PUM2: variants seen among roughly 807,000 people sequenced by gnomAD.
PUM2 encodes pumilio homolog 2.
PUM2 carries 57 observed loss-of-function variants against 124.5 expected under a neutral mutation model. The ratio of observed to expected loss-of-function variants is 0.46; its 90% CI spans 0.37 to 0.57. PUM2 has a LOEUF of 0.57. Ranked by LOEUF, PUM2 falls within the 20% of genes least tolerant of loss-of-function variation. PUM2 has a pLI of 0.00. For missense variants in PUM2, 1,065 were observed against 1,290.6 expected, an observed-to-expected ratio of 0.83 and a Z score of 2.68; for synonymous variants, 460 against 446.1, an observed-to-expected ratio of 1.03 and a Z score of -0.39.
At chr2:20,338,448 T>C (rs1686573752) in intron 1 of PUM2, among the ~76,000 whole-genome samples, 1 of 152,180 alleles carries the variant, frequency 6.6e-6, no homozygotes, top group Admixed American at 6.6e-5. Flanking sequence ...ACTTATCCCT[T>C]CATGCGCAAA....
chr2:20,251,562 C>T lies in PUM2; in HGVS notation c.*23G>A, dbSNP rs770335793. 1 of 1,596,816 alleles carries T rather than the reference C, an allele frequency of 6.3e-7. No homozygotes were observed. Among genetic ancestry groups the T allele is most frequent in the African/African-American group, 1.3e-5 (1 of 74,448 alleles). ...AATTCTTTTCACATGGTTAAATTAT[C>T]TTCTTTCTCTTGCTCCTGTAATTTA... On this transcript the variant is annotated 3_prime_UTR_variant, in exon 21 of 21. Transcript: ENST00000361078.
intron 2 of PUM2, chr2:20,326,480 C>T (rs940844820): frequency 1.8e-6 from 2 of 1,137,404 alleles, no homozygotes; most frequent in African/African-American, 3.2e-5. Context: ...AATTACACAT[C>T]TTAGGTCTGT....
chr2:20,341,193 A>C (rs1349524416), intron 1 of PUM2, among the ~76,000 whole-genome samples: 2 of 152,144 alleles, frequency 1.3e-5, no homozygotes, highest in Admixed American at 6.5e-5. Flanking sequence ...CTGCCCCGCA[A>C]AAAAAGAAAA....
At chr2:20,253,785 A>G in intron 20 of PUM2, 37 bp downstream of exon 20, 1 of 1,545,676 alleles carries the variant, frequency 6.5e-7, no homozygotes, top group Non-Finnish European at 8.8e-7. Flanking sequence ...CTAAACACAA[A>G]GACAAACAGT....
At position 20,249,335 on chromosome 2, in the gene PUM2, ACTC is replaced by A. The variant is rs1662743493; in HGVS notation, c.*2247_*2249del. The stretch of plus-strand genomic sequence containing the variant: ...ACAAAAGTTCGATACGGGCCGAAAT[ACTC>A]TGAGGTTGGTAAAGTAGGAAAAAGT... On this transcript the variant is annotated 3_prime_UTR_variant, in exon 21 of 21. Coordinates refer to ENST00000361078, the MANE Select transcript of PUM2 (RefSeq NM_015317.5). 1.3e-5 allele frequency: 2 copies of A among 152,460 alleles called. No individual in the cohort carries two copies. 9.4% of individuals were successfully genotyped at this position (152,460 alleles called of 1,614,324 possible). A position where few individuals can be genotyped will look rare whatever the true frequency, so the allele number is the denominator to read the frequency against.
Position 20,263,391 on chromosome 2 carries a change from G to A in PUM2, c.2027C>T (p.Ala676Val). 6.2e-7 allele frequency: 1 copy of A among 1,614,044 alleles called. No individual in the cohort carries two copies. The highest frequency in any genetic ancestry group is 8.5e-7 in the Non-Finnish European group (1 of 1,179,860). ...APGAEAKYRS[A>V]SSTSSLFSSS... is the part of the protein sequence containing the mutation. Reference sequence around the variant, plus strand: ...GCTAAATAGACTGGAAGTGCTTGAAGCACTTCGATATTTTGCTTCTGCTCC... The same window carrying A: ...GCTAAATAGACTGGAAGTGCTTGAAACACTTCGATATTTTGCTTCTGCTCC... The change falls in exon 14 of 21, where the codon GCT becomes GTT. Residue 676 changes from alanine (A) to valine (V), a missense_variant. By Grantham distance (64) the Ala-to-Val change is moderately conservative (BLOSUM62 0). This residue lies in a region of PUM2 where 968 missense variants were observed against 1,159.8 expected (regional missense o/e 0.83). Transcript: ENST00000361078.
At chr2:20,329,706 C>A (rs1310957461) in intron 1 of PUM2, among the ~76,000 whole-genome samples, 1 of 152,060 alleles carries the variant, frequency 6.6e-6, no homozygotes, top group Non-Finnish European at 1.5e-5. Context: ...TTACAGCGGG[C>A]CATTTCTACA....
intron 1 of PUM2, among the ~76,000 whole-genome samples, chr2:20,340,872 T>C (rs1233718977): frequency 6.6e-6 from 1 of 152,262 alleles, no homozygotes; most frequent in Non-Finnish European, 1.5e-5. Context: ...CGATCTCATT[T>C]GTCCATTTGC....
intron 9 of PUM2, among the ~76,000 whole-genome samples, chr2:20,293,698 A>G (rs1403691256): frequency 6.6e-6 from 1 of 152,166 alleles, no homozygotes; most frequent in African/African-American, 2.4e-5. Context: ...ACAGAGTAAG[A>G]CTGCTAAAAA....
At chr2:20,260,577 A>G in intron 14 of PUM2, 111 bp from the exon 15 acceptor site, 1 of 979,826 alleles carries the variant, frequency 1.0e-6, no homozygotes, top group Non-Finnish European at 1.4e-6. Flanking sequence ...ATATTACCAT[A>G]CTTTATATAG....
intron 20 of PUM2, among the ~76,000 whole-genome samples, chr2:20,253,009 T>C (rs1049422304): frequency 1.3e-5 from 2 of 152,222 alleles, no homozygotes; most frequent in Admixed American, 1.3e-4. Flanking sequence ...TTAGGTTATA[T>C]GCAAATACTA....
At chr2:20,322,267 G>C (rs1459074247) in intron 2 of PUM2, among the ~76,000 whole-genome samples, 1 of 152,058 alleles carries the variant, frequency 6.6e-6, no homozygotes, top group Non-Finnish European at 1.5e-5. Context: ...TATAATGGAA[G>C]TTCAAAAGAG....
chr2:20,255,348 A>G lies in PUM2; in HGVS notation c.2623-7T>C. On this transcript the variant is annotated splice_region_variant and splice_polypyrimidine_tract_variant and intron_variant, in intron 17 of 20. Transcript: ENST00000361078. Reference sequence around the variant, plus strand: ...GAGTTGAAAGCACAAATACCTGAGGACAATTAGAAGAATTAAAATTTGTAT... The same window carrying G: ...GAGTTGAAAGCACAAATACCTGAGGGCAATTAGAAGAATTAAAATTTGTAT... 1 of 1,609,670 alleles carries G rather than the reference A, an allele frequency of 6.2e-7. No homozygotes were observed. The highest frequency in any genetic ancestry group is 8.5e-7 in the Non-Finnish European group (1 of 1,178,292).
chr2:20,294,269 G>A (rs948963605), intron 9 of PUM2, 107 bp downstream of exon 9: 18 of 1,249,526 alleles, frequency 1.4e-5, no homozygotes, highest in African/African-American at 7.5e-5. Flanking sequence ...GCCAGGAGTC[G>A]TGTTACACAG....
intron 13 of PUM2, among the ~76,000 whole-genome samples, chr2:20,274,212 T>G (rs1217127456): frequency 6.6e-6 from 1 of 152,026 alleles, no homozygotes; most frequent in Non-Finnish European, 1.5e-5. Context: ...GAAGGTGCTT[T>G]AAGAAAAAAA....
intron 13 of PUM2, among the ~76,000 whole-genome samples, chr2:20,273,498 T>C (rs567250649): frequency 1.3e-5 from 2 of 152,282 alleles, no homozygotes; most frequent in African/African-American, 2.4e-5. Flanking sequence ...GATAATGTTA[T>C]TAAAGGATAA....
intron 1 of PUM2, among the ~76,000 whole-genome samples, chr2:20,332,616 T>A (rs1685156298): frequency 6.6e-6 from 1 of 152,318 alleles, no homozygotes; most frequent in African/African-American, 2.4e-5. Context: ...GTTGCCCATA[T>A]GCTACTAAGT....
chr2:20,306,604 C>A (rs951831601), intron 7 of PUM2, among the ~76,000 whole-genome samples: 2 of 126,454 alleles, frequency 1.6e-5, no homozygotes, highest in African/African-American at 6.0e-5. Flanking sequence ...TAAATGTGGA[C>A]TTTTTTTTTT....
chr2:20,330,359 G>T (rs1684648543), intron 1 of PUM2, among the ~76,000 whole-genome samples: 1 of 152,330 alleles, frequency 6.6e-6, no homozygotes, highest in African/African-American at 2.4e-5. Context: ...GCATGCTAAT[G>T]AGCTGACTGA....
Sources: allele counts gnomAD v4.1 joint callset (sites outside exome capture counted in the v4.1 genomes callset), GRCh38; gene constraint gnomAD v4.1.1; regional missense constraint gnomAD v4.1.1; transcripts MANE v1.5; gene names NCBI Gene and HGNC (gene_info 2026-07-23, HGNC 2026-07-21).